The following C2CD2 variants were observed in gnomAD, a reference collection of about 807,000 sequenced individuals.
C2CD2 encodes C2 domain-containing protein 2.
C2CD2 carries 43 observed loss-of-function variants against 74.3 expected under a neutral mutation model. The observed-to-expected ratio is 0.58, with a 90% CI of 0.45 to 0.75. The LOEUF is 0.75. Ranked by LOEUF, C2CD2 falls within the 30% of genes least tolerant of loss-of-function variation. C2CD2 has a pLI of 0.00. For synonymous variants in C2CD2, 422 were observed against 390.7 expected (o/e 1.08, Z -0.94); for missense variants, 801 against 916.3 (o/e 0.87, Z 1.63).
chr21:41,939,715 A>G lies in C2CD2; in HGVS notation c.378+2432T>C, dbSNP rs1431407298. On this transcript the variant is annotated intron_variant, in intron 2 of 13. Transcript: ENST00000380486. This position sits in a 1 kb window ranked among gnomAD's most constrained non-coding sequence, Gnocchi z 5.5. ...CAGTGACTTCCTCACACTACTTACA[A>G]GGATTATCTAACAGCGTGGCTCCAG... is the stretch of plus-strand genomic sequence containing the variant. Among the ~76,000 whole-genome samples the G allele has an allele frequency of 6.6e-6, 1 of 152,184 alleles. No individual in the cohort carries two copies. Among genetic ancestry groups the G allele is most frequent in the Non-Finnish European group, 1.5e-5 (1 of 68,026 alleles).
intron 7 of C2CD2, among the ~76,000 whole-genome samples, chr21:41,910,605 CT>C (rs1486486682): frequency 6.6e-6 from 1 of 152,086 alleles, no homozygotes; most frequent in Non-Finnish European, 1.5e-5. Context: ...CCATTGGTAG[CT>C]CTGGCTTTTG....
At chr21:41,910,745 T>C (rs1981384) in intron 7 of C2CD2, among the ~76,000 whole-genome samples, 7,933 of 152,280 alleles carry the variant, frequency 0.052, 280 homozygotes, top group Non-Finnish European at 0.076. Context: ...AATTGTTCAT[T>C]TTTTAAGGAT....
intron 2 of C2CD2, among the ~76,000 whole-genome samples, chr21:41,938,896 C>T (rs1231155791): frequency 2.0e-5 from 3 of 152,094 alleles, no homozygotes; most frequent in Non-Finnish European, 4.4e-5. Flanking sequence ...TGCATGCCAA[C>T]ACACCTGGCC....
At chr21:41,897,938 C>T (rs556414105) in intron 13 of C2CD2, among the ~76,000 whole-genome samples, 4 of 152,196 alleles carry the variant, frequency 2.6e-5, no homozygotes, top group African/African-American at 4.8e-5. Context: ...CACTAGATGC[C>T]GACTGCACCC....
intron 1 of C2CD2, among the ~76,000 whole-genome samples, chr21:41,943,468 G>A (rs1370355039): frequency 6.6e-6 from 1 of 152,166 alleles, no homozygotes; most frequent in Non-Finnish European, 1.5e-5. Flanking sequence ...CACAATCCCA[G>A]ATCGAAACTC....
chr21:41,944,272 G>T (rs2065379537), intron 1 of C2CD2, among the ~76,000 whole-genome samples: 1 of 152,116 alleles, frequency 6.6e-6, no homozygotes, highest in African/African-American at 2.4e-5. Flanking sequence ...CAGCACTTTG[G>T]GAGGCCGAGG....
chr21:41,896,707 C>CATAA (rs761481498), intron 13 of C2CD2, among the ~76,000 whole-genome samples: 1 of 73,704 alleles, frequency 1.4e-5, no homozygotes, highest in Non-Finnish European at 2.5e-5. Flanking sequence ...GTTCTTAAAC[C>CATAA]AAAAAAAAAA....
intron 5 of C2CD2, 106 bp from the exon 6 acceptor site, chr21:41,914,827 T>A: frequency 1.0e-6 from 1 of 965,196 alleles, no homozygotes; most frequent in Non-Finnish European, 1.5e-6. Context: ...GTGGGGTGTC[T>A]ACAGGAAAAC....
chr21:41,930,445 G>C (rs1276274663), intron 2 of C2CD2, among the ~76,000 whole-genome samples: 3 of 150,318 alleles, frequency 2.0e-5, no homozygotes, highest in African/African-American at 7.3e-5. Context: ...GCTCACACCT[G>C]TTATCCTAGC....
intron 9 of C2CD2, 58 bp downstream of exon 9, chr21:41,907,602 G>T (rs13433498): frequency 1.9e-6 from 3 of 1,569,984 alleles, no homozygotes; most frequent in African/African-American, 1.4e-5. Flanking sequence ...AAGTGAAGAC[G>T]CTCCTTGGGT....
At position 41,922,066 on chromosome 21, in the gene C2CD2, A is replaced by G. The variant is rs2065160266; in HGVS notation, c.398T>C (p.Val133Ala). The G allele has an allele frequency of 1.9e-6, 3 of 1,613,176 alleles. No homozygotes were observed. Among genetic ancestry groups the G allele is most frequent in the Non-Finnish European group, 2.5e-6 (3 of 1,179,234 alleles). ...GACCAAGAACTGAATAGCCTGGCCC[A>G]CCACGTGACAGACCACCACCTGGAG... Reference protein sequence around the residue: ...AEEKVVVCHVVGQAIQFLVSE... With the variant: ...AEEKVVVCHVAGQAIQFLVSE... The change falls in exon 3 of 14, where the codon GTG becomes GCG. Residue 133 changes from valine (V) to alanine (A), a missense_variant. Val to Ala is a moderately conservative substitution (Grantham distance 64). Transcript: ENST00000380486.
intron 13 of C2CD2, among the ~76,000 whole-genome samples, chr21:41,889,638 T>G (rs59871140): frequency 3.0e-5 from 1 of 33,158 alleles, no homozygotes; most frequent in Non-Finnish European, 8.6e-5. Context: ...ATTTTTTTTC[T>G]TTTTTTTTTT....
intron 13 of C2CD2, 125 bp downstream of exon 13, chr21:41,898,928 G>T: frequency 1.3e-6 from 1 of 743,466 alleles, no homozygotes. Flanking sequence ...AGGGGCAGGG[G>T]TGAGGCTGGG....
chr21:41,927,329 C>T (rs1286945300), intron 2 of C2CD2, among the ~76,000 whole-genome samples: 1 of 152,144 alleles, frequency 6.6e-6, no homozygotes, highest in Non-Finnish European at 1.5e-5. Flanking sequence ...CCATGCCCAG[C>T]TAATTTCTGT....
Position 41,953,799 on chromosome 21 carries a change from G to A in C2CD2, c.-151C>T, listed in dbSNP as rs1359117064. 1.5e-6 allele frequency: 1 copy of A among 655,904 alleles called. No individual in the cohort carries two copies. Among genetic ancestry groups the A allele is most frequent in the Middle Eastern group, 5.3e-4 (1 of 1,904 alleles). 40.6% of individuals were successfully genotyped at this position (655,904 alleles called of 1,614,324 possible). ...AGCCCGGCGAGGAGCGTGGCCGGGG[G>A]CCTCTGGGCGGGCAAGCGGGGAGGA... On this transcript the variant is annotated 5_prime_UTR_variant, in exon 1 of 14. Transcript: ENST00000380486.
chr21:41,940,713 T>C (rs1055583523), intron 2 of C2CD2, among the ~76,000 whole-genome samples: 2 of 152,252 alleles, frequency 1.3e-5, no homozygotes, highest in Non-Finnish European at 2.9e-5. Flanking sequence ...AGATTCTTTA[T>C]ATACACATAT....
rs535298903 is a variant in C2CD2 at position 41,930,335 on chromosome 21, G to A, written c.379-8250C>T. ...GGGCTAAGTAAAAAGTGGGGAGCAG[G>A]GGGAAGTGGAGAAAGAAAAGAGAAA... On this transcript the variant is annotated intron_variant, in intron 2 of 13. Coordinates refer to ENST00000380486, the MANE Select transcript of C2CD2 (RefSeq NM_015500.2). 2.7e-5 allele frequency among the ~76,000 whole-genome samples: 4 copies of A among 149,984 alleles called. No homozygotes were observed. In the East Asian group the frequency reaches 5.8e-4, roughly 22 times the overall value.
intron 2 of C2CD2, among the ~76,000 whole-genome samples, chr21:41,925,588 C>A (rs901608818): frequency 6.6e-6 from 1 of 152,228 alleles, no homozygotes. Flanking sequence ...GCCACCCTAA[C>A]AAATAATGCC....
chr21:41,912,950 T>G (rs2065045557), intron 6 of C2CD2, among the ~76,000 whole-genome samples: 1 of 152,208 alleles, frequency 6.6e-6, no homozygotes, highest in South Asian at 2.1e-4. Flanking sequence ...GTTAAGTAAT[T>G]TTTTCCCACA....
Sources: gnomAD v4.1 joint callset for allele counts (sites outside exome capture counted in the v4.1 genomes callset) on GRCh38, gnomAD v4.1.1 for gene constraint, Gnocchi (gnomAD v3.1) non-coding constraint, MANE v1.5 for transcripts, NCBI Gene and HGNC (gene_info 2026-07-23, HGNC 2026-07-21) for gene names.